The following HPRT1 variants were observed in gnomAD, a reference collection of about 807,000 sequenced individuals.
The protein encoded by HPRT1 is hypoxanthine-guanine phosphoribosyltransferase.
HPRT1 carries 4 observed loss-of-function variants against 19.0 expected under a neutral mutation model. The observed-to-expected ratio is 0.21, with a 90% CI of 0.10 to 0.48. The LOEUF (loss-of-function observed/expected upper bound fraction) is 0.48. Among genes scored for constraint, HPRT1 ranks in the 20% least tolerant of loss-of-function variants. The pLI is 0.98. For missense variants in HPRT1, 65 were observed against 164.0 expected (o/e 0.40, Z 3.30); for synonymous variants, 53 against 54.9 (o/e 0.97, Z 0.15).
intron 4 of HPRT1, among the ~76,000 whole-genome samples, chrX:134,489,648 A>G (rs2124299831): frequency 8.9e-6 from 1 of 112,055 alleles, no homozygotes; most frequent in East Asian, 2.8e-4. Flanking sequence ...TAGAAAGCGA[A>G]GTGAGGGTTT....
chrX:134,500,187 G>GT lies in HPRT1; in HGVS notation c.*111dup. On this transcript the variant is annotated 3_prime_UTR_variant, in exon 9 of 9. Transcript: ENST00000298556. ...ATCTGCTTAGTAGAGCTTTTTGCAT[G>GT]TATCTTCTAAGAATTTTATCTGTTT... 5.2e-6 allele frequency: 3 copies of GT among 575,476 alleles called. No homozygotes were observed. Among genetic ancestry groups the GT allele is most frequent in the Non-Finnish European group, 9.2e-6 (3 of 327,524 alleles). 47.4% of individuals were successfully genotyped at this position (575,476 alleles called of 1,213,427 possible).
At position 134,500,123 on chromosome X, in the gene HPRT1, C is replaced by T. The variant is rs764716652; in HGVS notation, c.*46C>T. 1.2e-6 allele frequency: 1 copy of T among 859,739 alleles called. No individual in the cohort carries two copies. Among genetic ancestry groups the T allele is most frequent in the East Asian group, 3.1e-5 (1 of 32,090 alleles). The allele number at this position is 859,739 out of a possible 1,213,427, so 70.9% of individuals were successfully genotyped here. A position where few individuals can be genotyped will look rare whatever the true frequency, so the allele number is the denominator to read the frequency against. ...TTGGAAACATCTGGAGTCCTATTGA[C>T]ATCGCCAGTAAAATTATCAATGTTC... is the stretch of plus-strand genomic sequence containing the variant. On this transcript the variant is annotated 3_prime_UTR_variant, in exon 9 of 9. Transcript: ENST00000298556.
At chrX:134,496,475 A>G (rs1237147949) in intron 6 of HPRT1, among the ~76,000 whole-genome samples, 3 of 112,497 alleles carry the variant, frequency 2.7e-5, no homozygotes, top group Non-Finnish European at 3.8e-5. Context: ...CTCTAGGCAT[A>G]TGAAGTGCTG....
intron 4 of HPRT1, among the ~76,000 whole-genome samples, chrX:134,489,059 T>G (rs897448320): frequency 1.8e-5 from 2 of 111,705 alleles, no homozygotes; most frequent in Non-Finnish European, 3.8e-5. Flanking sequence ...ATTCTGTACT[T>G]GGACCTGTTT....
At chrX:134,460,959 C>T (rs1254271858) in intron 1 of HPRT1, among the ~76,000 whole-genome samples, 1 of 111,469 alleles carries the variant, frequency 9.0e-6, no homozygotes, top group Admixed American at 9.5e-5. Context: ...CATTTCAAGC[C>T]GAAATTCACA....
intron 1 of HPRT1, among the ~76,000 whole-genome samples, chrX:134,467,345 C>T (rs952232934): frequency 8.9e-6 from 1 of 112,450 alleles, no homozygotes; most frequent in Non-Finnish European, 1.9e-5. Context: ...AGCCACCACG[C>T]CCAGCTATAA....
In HPRT1 at chrX:134,480,713, T is replaced by G. The variant is rs771591780; in HGVS notation, c.318+5349T>G. On this transcript the variant is annotated intron_variant, in intron 3 of 8. Transcript: ENST00000298556. ...ATCCTTCTGCCTTGGTCTCCCAAAG[T>G]GCTGAGATTACAGGTGTCAGCCGTT... Among the ~76,000 whole-genome samples, 11 of 102,801 alleles carry G rather than the reference T, an allele frequency of 1.1e-4. No homozygotes were observed. In the East Asian group the frequency reaches 3.2e-3, roughly 30 times the overall value. The allele number at this position is 102,801 out of a possible 115,157, so 89.3% of individuals were successfully genotyped here.
intron 3 of HPRT1, among the ~76,000 whole-genome samples, chrX:134,482,227 G>A (rs1397007998): frequency 9.1e-6 from 1 of 110,049 alleles, no homozygotes; most frequent in Admixed American, 9.7e-5. Flanking sequence ...CTAATTTTTT[G>A]TATTTTTTGT....
At chrX:134,475,417 TA>T in intron 3 of HPRT1, 53 bp downstream of exon 3, 1 of 829,299 alleles carries the variant, frequency 1.2e-6, no homozygotes, top group Admixed American at 2.4e-5. Context: ...GGTTTTCTTA[TA>T]TTTTCTTTGA....
chrX:134,461,092 C>T (rs17882706), intron 1 of HPRT1, among the ~76,000 whole-genome samples: 1,586 of 111,760 alleles, frequency 0.014, 32 homozygotes, highest in African/African-American at 0.049. Flanking sequence ...TCCACCCTCA[C>T]TGGTTTTTTC....
At chrX:134,462,627 G>A (rs1269141166) in intron 1 of HPRT1, among the ~76,000 whole-genome samples, 1 of 112,055 alleles carries the variant, frequency 8.9e-6, no homozygotes, top group Non-Finnish European at 1.9e-5. Context: ...CTAGGTAGAC[G>A]CTTTTAGCTT....
intron 1 of HPRT1, among the ~76,000 whole-genome samples, chrX:134,462,028 T>TGGCACAATCACTGCTCACTGCAGC (rs2077585511): frequency 9.0e-6 from 1 of 111,341 alleles, no homozygotes; most frequent in Non-Finnish European, 1.9e-5. Flanking sequence ...TGGAGTGCAG[T>TGGCACAATCACTGCTCACTGCAGC]GGCACAATCA....
At chrX:134,494,450 CG>C (rs1465867885) in intron 6 of HPRT1, among the ~76,000 whole-genome samples, 2 of 111,742 alleles carry the variant, frequency 1.8e-5, no homozygotes, top group African/African-American at 6.5e-5. Flanking sequence ...GAAAAAATCA[CG>C]GTATCTGTCG....
intron 8 of HPRT1, among the ~76,000 whole-genome samples, chrX:134,499,068 G>A (rs2077688468): frequency 1.8e-5 from 2 of 111,990 alleles, no homozygotes; most frequent in Non-Finnish European, 3.8e-5. Context: ...GGAAGATTTA[G>A]GAAGACTGCA....
intron 1 of HPRT1, among the ~76,000 whole-genome samples, chrX:134,466,273 C>T (rs2077596644): frequency 9.1e-6 from 1 of 109,589 alleles, no homozygotes; most frequent in East Asian, 2.9e-4. Flanking sequence ...CAAAAATTAG[C>T]TGGGTGTGGT....
chrX:134,481,827 T>G (rs766161270), intron 3 of HPRT1, among the ~76,000 whole-genome samples: 11 of 110,637 alleles, frequency 9.9e-5, no homozygotes, highest in Non-Finnish European at 2.1e-4. Context: ...AACCACAAAT[T>G]TTGTGAAAAA....
At chrX:134,478,119 TGTC>T (rs1309861040) in intron 3 of HPRT1, among the ~76,000 whole-genome samples, 1 of 112,302 alleles carries the variant, frequency 8.9e-6, no homozygotes, top group Admixed American at 9.5e-5. Context: ...ATAACATTGA[TGTC>T]AGTATGATTT....
Position 134,500,197 on chromosome X carries a change from A to G in HPRT1, c.*120A>G. The G allele has an allele frequency of 1.8e-6, 1 of 558,870 alleles. No homozygotes were observed. The highest frequency in any genetic ancestry group is 3.8e-4 in the Middle Eastern group (1 of 2,650). The allele number at this position is 558,870 out of a possible 1,213,427, so 46.1% of individuals were successfully genotyped here. A position where few individuals can be genotyped will look rare whatever the true frequency, so the allele number is the denominator to read the frequency against. On this transcript the variant is annotated 3_prime_UTR_variant, in exon 9 of 9. Transcript: ENST00000298556. ...TAGAGCTTTTTGCATGTATCTTCTAAGAATTTTATCTGTTTTGTACTTTAG... is the reference window on the plus strand; with the variant it reads ...TAGAGCTTTTTGCATGTATCTTCTAGGAATTTTATCTGTTTTGTACTTTAG...
chrX:134,472,933 G>T (rs2077614405), intron 1 of HPRT1, among the ~76,000 whole-genome samples: 1 of 109,812 alleles, frequency 9.1e-6, no homozygotes, highest in Admixed American at 9.8e-5. Context: ...TGTTTCCCAG[G>T]CTGGAGTGAA....
Sources: allele counts gnomAD v4.1 joint callset (sites outside exome capture counted in the v4.1 genomes callset), GRCh38; gene constraint gnomAD v4.1.1; transcripts MANE v1.5; gene names NCBI Gene and HGNC (gene_info 2026-07-23, HGNC 2026-07-21).